The following SHISA9 variants were observed in gnomAD, a reference collection of about 807,000 sequenced individuals.
SHISA9 encodes shisa family member 9.
A neutral mutation model predicts 38.0 loss-of-function variants in SHISA9; 13 were observed. The ratio of observed to expected loss-of-function variants is 0.34; its 90% CI spans 0.22 to 0.54. The LOEUF is 0.54. Among genes scored for constraint, SHISA9 ranks in the 20% least tolerant of loss-of-function variants. The pLI is 0.91. For missense variants in SHISA9, 538 were observed against 575.8 expected (o/e 0.93, Z 0.67); for synonymous variants, 275 against 242.0 (o/e 1.14, Z -1.27).
intron 2 of SHISA9, among the ~76,000 whole-genome samples, chr16:13,200,351 C>T (rs2142051303): frequency 6.6e-6 from 1 of 151,732 alleles, no homozygotes; most frequent in South Asian, 2.1e-4. Context: ...CCCCGGAAGT[C>T]ACTAAGATAA....
At chr16:13,400,621 C>T in the SHISA9 span, among the ~76,000 whole-genome samples, 1 of 152,214 alleles carries the variant, frequency 6.6e-6, no homozygotes, top group Non-Finnish European at 1.5e-5. Flanking sequence ...ATCAGGAAGA[C>T]AGTTGCTGCC....
the SHISA9 span, among the ~76,000 whole-genome samples, chr16:13,351,272 C>T: frequency 6.6e-6 from 1 of 152,220 alleles, no homozygotes; most frequent in East Asian, 1.9e-4. Flanking sequence ...CCAAAGGCCC[C>T]CAGACAGACG....
At chr16:13,514,367 C>T in the SHISA9 span, among the ~76,000 whole-genome samples, 1 of 151,662 alleles carries the variant, frequency 6.6e-6, no homozygotes, top group African/African-American at 2.4e-5. Flanking sequence ...GAAATATAAT[C>T]AATAAGAGAA....
chr16:12,924,020 A>G (rs993941803), intron 2 of SHISA9, among the ~76,000 whole-genome samples: 2 of 151,884 alleles, frequency 1.3e-5, no homozygotes, highest in African/African-American at 4.8e-5. Flanking sequence ...AGGTAGACTG[A>G]GAAAAGCATC....
At chr16:12,914,016 C>T (rs937378933) in intron 1 of SHISA9, among the ~76,000 whole-genome samples, 3 of 149,228 alleles carry the variant, frequency 2.0e-5, no homozygotes, top group East Asian at 2.0e-4. Flanking sequence ...TTGCAGCCCT[C>T]GTTTATTTAT....
chr16:13,205,946 A>G (rs1375518040), intron 3 of SHISA9, among the ~76,000 whole-genome samples: 3 of 133,752 alleles, frequency 2.2e-5, no homozygotes, highest in Non-Finnish European at 4.8e-5. Flanking sequence ...TTTTTTTTTT[A>G]AGTAGAGATG....
chr16:13,333,476 A>G, the SHISA9 span, among the ~76,000 whole-genome samples: 1 of 152,064 alleles, frequency 6.6e-6, no homozygotes, highest in Admixed American at 6.6e-5. Flanking sequence ...GGGAGGGAGG[A>G]TTTCATGGCT....
intron 2 of SHISA9, among the ~76,000 whole-genome samples, chr16:13,096,092 T>A (rs191346823): frequency 6.6e-6 from 1 of 152,334 alleles, no homozygotes; most frequent in East Asian, 1.9e-4. Flanking sequence ...TGGTTAACGA[T>A]GAACAAGTCA....
intron 4 of SHISA9, among the ~76,000 whole-genome samples, chr16:13,230,860 C>T (rs1039846391): frequency 1.3e-5 from 2 of 152,120 alleles, no homozygotes; most frequent in South Asian, 4.2e-4. Flanking sequence ...AGGGTAACTT[C>T]CTGACATTGC....
Position 13,009,141 on chromosome 16 carries a change from G to T in SHISA9, c.691+92326G>T, listed in dbSNP as rs918842663. 4.6e-5 allele frequency among the ~76,000 whole-genome samples: 7 copies of T among 152,042 alleles called. No homozygotes were observed. In the East Asian group the frequency reaches 1.2e-3, roughly 25 times the overall value. On this transcript the variant is annotated intron_variant, in intron 2 of 4. Transcript: ENST00000558583. ...TTAAACATCTCAGCAACTCATGGTGGGCACTGTTTTAAACCTGATTTACAA... is the reference window on the plus strand; with the variant it reads ...TTAAACATCTCAGCAACTCATGGTGTGCACTGTTTTAAACCTGATTTACAA...
chr16:13,173,606 T>G (rs537099170), intron 2 of SHISA9, among the ~76,000 whole-genome samples: 6 of 152,292 alleles, frequency 3.9e-5, no homozygotes, highest in Admixed American at 6.5e-5. Context: ...AGAGACATTT[T>G]TGGTTGTCAC....
chr16:13,463,805 C>T, the SHISA9 span, among the ~76,000 whole-genome samples: 1 of 152,238 alleles, frequency 6.6e-6, no homozygotes, highest in Non-Finnish European at 1.5e-5. Context: ...ATCCCTTCCC[C>T]TTAGGCCACA....
chr16:12,907,505 A>G (rs1461124886), intron 1 of SHISA9, among the ~76,000 whole-genome samples: 2 of 152,106 alleles, frequency 1.3e-5, no homozygotes, highest in Non-Finnish European at 2.9e-5. Flanking sequence ...GAGAGCAAGG[A>G]CATTTTCCTA....
the SHISA9 span, among the ~76,000 whole-genome samples, chr16:13,410,834 C>A: frequency 6.6e-6 from 1 of 152,192 alleles, no homozygotes; most frequent in African/African-American, 2.4e-5. Context: ...AGGATACTAT[C>A]TGTGGGAGGG....
the SHISA9 span, among the ~76,000 whole-genome samples, chr16:13,307,017 A>G: frequency 6.6e-6 from 1 of 152,216 alleles, no homozygotes; most frequent in Non-Finnish European, 1.5e-5. Context: ...TTCATTTAAA[A>G]TGTTACAAAC....
Position 13,203,372 on chromosome 16 carries a change from CCTT to C in SHISA9, c.692-19_692-17del, listed in dbSNP as rs1310992721. 7.9e-6 allele frequency: 12 copies of C among 1,510,796 alleles called. No individual in the cohort carries two copies. In the Admixed American group the frequency reaches 1.8e-4, roughly 23 times the overall value. 93.6% of individuals were successfully genotyped at this position (1,510,796 alleles called of 1,614,324 possible). A position where few individuals can be genotyped will look rare whatever the true frequency, so the allele number is the denominator to read the frequency against. The stretch of plus-strand genomic sequence containing the variant: ...GGTTCTGCCCTGTCTGTGACAATCT[CCTT>C]CTGTGTCTTCACTTCCAGATGCCAC... On this transcript the variant is annotated intron_variant, in intron 2 of 4. Coordinates refer to ENST00000558583, the MANE Select transcript of SHISA9 (RefSeq NM_001145204.3).
the SHISA9 span, among the ~76,000 whole-genome samples, chr16:13,373,497 TCA>T: frequency 6.6e-6 from 1 of 152,178 alleles, no homozygotes; most frequent in Non-Finnish European, 1.5e-5. Flanking sequence ...GCGTGGTGGC[TCA>T]CGCCTGTAAT....
chr16:13,217,815 A>G (rs921445878), intron 4 of SHISA9, among the ~76,000 whole-genome samples: 1 of 152,176 alleles, frequency 6.6e-6, no homozygotes, highest in African/African-American at 2.4e-5. Flanking sequence ...AGATCACTTG[A>G]GGTAAGGAGT....
At chr16:12,969,017 C>T (rs746728705) in intron 2 of SHISA9, among the ~76,000 whole-genome samples, 7 of 151,840 alleles carry the variant, frequency 4.6e-5, no homozygotes, top group Admixed American at 6.6e-5. Context: ...ATTAGCTGAA[C>T]GTGGTGGTGC....
Sources: gnomAD v4.1 joint callset for allele counts (sites outside exome capture counted in the v4.1 genomes callset) on GRCh38, gnomAD v4.1.1 for gene constraint, MANE v1.5 for transcripts, NCBI Gene and HGNC (gene_info 2026-07-23, HGNC 2026-07-21) for gene names.